The following ASTN1 variants were observed in gnomAD, a reference collection of about 807,000 sequenced individuals.
The protein encoded by ASTN1 is astrotactin 1, also known as astrotactin-1.
ASTN1 carries 41 observed loss-of-function variants against 140.7 expected under a neutral mutation model. The ratio of observed to expected loss-of-function variants is 0.29; its 90% CI spans 0.23 to 0.38. ASTN1 has a LOEUF of 0.38. Ranked by LOEUF, ASTN1 falls within the 10% of genes least tolerant of loss-of-function variation. ASTN1 has a pLI of 1.00. For synonymous variants in ASTN1, 640 were observed against 652.2 expected, an observed-to-expected ratio of 0.98 and a Z score of 0.29; for missense variants, 1,479 against 1,678.8, an observed-to-expected ratio of 0.88 and a Z score of 2.08.
chr1:176,886,789 C>A (rs556438973), intron 18 of ASTN1, among the ~76,000 whole-genome samples: 8 of 152,346 alleles, frequency 5.3e-5, no homozygotes, highest in African/African-American at 1.9e-4. Context: ...GTTGCTCCTG[C>A]CTACTCAGCC....
intron 1 of ASTN1, among the ~76,000 whole-genome samples, chr1:177,113,332 C>G (rs1680912575): frequency 6.6e-6 from 1 of 152,206 alleles, no homozygotes; most frequent in Non-Finnish European, 1.5e-5. Context: ...TCATGGGAAG[C>G]ATATCCAGGT....
chr1:176,873,277 G>A (rs1320816127), intron 21 of ASTN1, among the ~76,000 whole-genome samples: 1 of 151,888 alleles, frequency 6.6e-6, no homozygotes, highest in African/African-American at 2.4e-5. Context: ...AAGAACTCTC[G>A]GAAGGCCATG....
intron 8 of ASTN1, among the ~76,000 whole-genome samples, chr1:177,005,452 T>G (rs1273733072): frequency 6.6e-6 from 1 of 152,188 alleles, no homozygotes; most frequent in Non-Finnish European, 1.5e-5. Flanking sequence ...ACCTAACATT[T>G]GATCCAGCAA....
chr1:176,911,191 G>C (rs949573620), intron 16 of ASTN1, among the ~76,000 whole-genome samples: 2 of 152,164 alleles, frequency 1.3e-5, no homozygotes, highest in African/African-American at 4.8e-5. Context: ...CACCTGTAAA[G>C]GGCACTTACC....
chr1:176,962,658 C>T (rs1488105615), intron 9 of ASTN1, among the ~76,000 whole-genome samples: 2 of 152,156 alleles, frequency 1.3e-5, no homozygotes, highest in Non-Finnish European at 2.9e-5. Flanking sequence ...GAATTGGAGA[C>T]ATTTTAGAGC....
chr1:176,882,382 C>G (rs991257613), intron 20 of ASTN1, among the ~76,000 whole-genome samples: 1 of 152,206 alleles, frequency 6.6e-6, no homozygotes, highest in Non-Finnish European at 1.5e-5. Context: ...CTCTGCCCTA[C>G]TAGACTACTT....
At chr1:176,874,637 C>A (rs1668487076) in intron 21 of ASTN1, among the ~76,000 whole-genome samples, 2 of 152,144 alleles carry the variant, frequency 1.3e-5, no homozygotes, top group South Asian at 4.1e-4. Flanking sequence ...TACTTATTGA[C>A]TTCCTAGTAG....
chr1:177,125,505 T>C (rs1267038653), intron 1 of ASTN1, among the ~76,000 whole-genome samples: 1 of 152,326 alleles, frequency 6.6e-6, no homozygotes, highest in African/African-American at 2.4e-5. Context: ...GTTGCTTACC[T>C]AGATGTAGAG....
chr1:176,912,547 C>A (rs762334620), intron 16 of ASTN1, among the ~76,000 whole-genome samples: 13 of 152,124 alleles, frequency 8.5e-5, no homozygotes, highest in Non-Finnish European at 1.8e-4. Flanking sequence ...AAAATAAATG[C>A]TTTAGTATAC....
intron 8 of ASTN1, among the ~76,000 whole-genome samples, chr1:176,994,395 C>T (rs2101902239): frequency 6.6e-6 from 1 of 152,192 alleles, no homozygotes; most frequent in East Asian, 1.9e-4. Flanking sequence ...GTTTCCCAGA[C>T]TGGAGTGCAG....
intron 16 of ASTN1, among the ~76,000 whole-genome samples, chr1:176,915,586 T>C (rs1207460513): frequency 6.6e-6 from 1 of 152,210 alleles, no homozygotes; most frequent in Non-Finnish European, 1.5e-5. Flanking sequence ...TTCCAATCTA[T>C]TGGCATTCAC....
intron 16 of ASTN1, among the ~76,000 whole-genome samples, chr1:176,920,061 G>A (rs1203526773): frequency 6.6e-6 from 1 of 152,074 alleles, no homozygotes; most frequent in Non-Finnish European, 1.5e-5. Context: ...AACACTTTAA[G>A]GCTCGCTTGA....
At chr1:177,154,767 A>T (rs745474793) in intron 1 of ASTN1, among the ~76,000 whole-genome samples, 14 of 152,144 alleles carry the variant, frequency 9.2e-5, no homozygotes, top group Non-Finnish European at 2.1e-4. Flanking sequence ...AAAAGAAGCA[A>T]ATAGGCAAAT....
At chr1:177,158,427 G>A (rs968419747) in intron 1 of ASTN1, among the ~76,000 whole-genome samples, 4 of 152,094 alleles carry the variant, frequency 2.6e-5, no homozygotes, top group Non-Finnish European at 4.4e-5. Flanking sequence ...TAGTACATTC[G>A]AAATTTCCAT....
chr1:176,978,186 C>T lies in ASTN1; in HGVS notation c.1524-12949G>A, dbSNP rs185645416. On this transcript the variant is annotated intron_variant, in intron 8 of 22. Coordinates refer to ENST00000361833, the MANE Select transcript of ASTN1 (RefSeq NM_004319.3). ...GGAACATTACAAACAGCAAAGGTACCAGTTCATCTGAAATGTGGGATACAC... is the reference window on the plus strand; with the variant it reads ...GGAACATTACAAACAGCAAAGGTACTAGTTCATCTGAAATGTGGGATACAC... 2.2e-3 allele frequency among the ~76,000 whole-genome samples: 331 copies of T among 152,188 alleles called. 1 individual carries two copies. Among genetic ancestry groups the T allele is most frequent in the Non-Finnish European group, 2.5e-3 (169 of 68,008 alleles).
intron 8 of ASTN1, among the ~76,000 whole-genome samples, chr1:176,969,038 G>C (rs144619792): frequency 6.6e-6 from 1 of 152,144 alleles, no homozygotes; most frequent in Non-Finnish European, 1.5e-5. Context: ...GTAATGAAGA[G>C]CTGGACGTAA....
chr1:177,065,044 G>A (rs1167485160), intron 1 of ASTN1, among the ~76,000 whole-genome samples: 1 of 152,214 alleles, frequency 6.6e-6, no homozygotes, highest in Non-Finnish European at 1.5e-5. Context: ...CCTGCCATGA[G>A]GCTCGCAAAA....
chr1:177,148,552 GT>G (rs753708270), intron 1 of ASTN1, among the ~76,000 whole-genome samples: 6 of 151,862 alleles, frequency 4.0e-5, no homozygotes, highest in Non-Finnish European at 7.4e-5. Flanking sequence ...GGTTCTAAGA[GT>G]CAAAATACCA....
intron 16 of ASTN1, among the ~76,000 whole-genome samples, chr1:176,908,075 T>G (rs1670074206): frequency 1.3e-5 from 2 of 152,206 alleles, no homozygotes; most frequent in African/African-American, 4.8e-5. Context: ...ACCTTGTTAC[T>G]TTGCCCTCTA....
Sources: gnomAD v4.1 joint callset for allele counts (sites outside exome capture counted in the v4.1 genomes callset) on GRCh38, gnomAD v4.1.1 for gene constraint, MANE v1.5 for transcripts, NCBI Gene and HGNC (gene_info 2026-07-23, HGNC 2026-07-21) for gene names.